The following FNIP1 variants were observed in gnomAD, a reference collection of about 807,000 sequenced individuals.
FNIP1 encodes folliculin interacting protein 1.
Under a neutral mutation model 124.5 loss-of-function variants are expected in FNIP1, and 40 were observed. The ratio of observed to expected loss-of-function variants is 0.32; its 90% CI spans 0.25 to 0.42. The LOEUF is 0.42. FNIP1 is among the 10% of genes least tolerant of loss of function. The pLI is 1.00. For missense variants in FNIP1, 1,176 were observed against 1,403.7 expected, an observed-to-expected ratio of 0.84 and a Z score of 2.59; for synonymous variants, 472 against 470.6, an observed-to-expected ratio of 1.00 and a Z score of -0.04.
At position 131,704,259 on chromosome 5, in the gene FNIP1, C is replaced by T; in HGVS notation, c.922G>A (p.Glu308Lys). The T allele has an allele frequency of 6.3e-7, 1 of 1,580,742 alleles. No homozygotes were observed. Residue 308 changes from glutamate (E) to lysine (K), a missense_variant, in exon 10 of 18, where the codon GAA becomes AAA. This residue lies in a region of FNIP1 where 1,109 missense variants were observed against 1,288.5 expected (regional missense o/e 0.86). Transcript: ENST00000510461. The stretch of plus-strand genomic sequence containing the variant: ...TCATCTGAGAGATTAAAGCTTTCTT[C>T]TATAGACCTTAAAAATAAATGATTT... ...ENGVFPRWSI[E>K]ESFNLSDESC...
rs1023255749 is a variant in FNIP1, at chr5:131,721,885, T to C, written c.355-2468A>G. On this transcript the variant is annotated intron_variant, in intron 3 of 17. Coordinates refer to ENST00000510461, the MANE Select transcript of FNIP1 (RefSeq NM_133372.3). ...CTTTGTCTTCACAGGAGTCAGACAA[T>C]AGTTAAAGATTGAGCTTATCCATTT... Among the ~76,000 whole-genome samples, 12 of 152,328 alleles carry C rather than the reference T, an allele frequency of 7.9e-5. 1 individual carries two copies. The South Asian group carries it at 1.0e-3, about 13-fold the overall frequency.
chr5:131,763,782 T>C (rs865972804), intron 1 of FNIP1, among the ~76,000 whole-genome samples: 1 of 152,208 alleles, frequency 6.6e-6, no homozygotes, highest in Admixed American at 6.5e-5. Context: ...AATTCCTCAC[T>C]TCAGTTGACT....
chr5:131,648,529 A>T (rs1197351039), intron 16 of FNIP1, among the ~76,000 whole-genome samples: 1 of 152,148 alleles, frequency 6.6e-6, no homozygotes. Context: ...TTATTGTAAA[A>T]CACAACCAAA....
chr5:131,665,154 G>GT (rs1220708756), intron 15 of FNIP1, among the ~76,000 whole-genome samples: 1 of 152,034 alleles, frequency 6.6e-6, no homozygotes, highest in Non-Finnish European at 1.5e-5. Context: ...ACAAACATCA[G>GT]TATTACTTTC....
intron 2 of FNIP1, among the ~76,000 whole-genome samples, chr5:131,739,812 C>CA (rs60928249): frequency 0.083 from 2,537 of 30,498 alleles, 135 homozygotes; most frequent in African/African-American, 0.12. Flanking sequence ...GACTCCAGCT[C>CA]AAAAAAAAAA....
intron 1 of FNIP1, among the ~76,000 whole-genome samples, chr5:131,783,467 A>G (rs1020882534): frequency 5.3e-5 from 8 of 151,804 alleles, no homozygotes; most frequent in Non-Finnish European, 8.8e-5. Flanking sequence ...AAAAAAAAAC[A>G]AGAAATTTGA....
In FNIP1 at chr5:131,706,491, GGTAA is replaced by G; in HGVS notation, c.830_833del (p.Leu277ProfsTer30). The G allele has an allele frequency of 6.2e-7, 1 of 1,613,354 alleles. No individual in the cohort carries two copies. Among genetic ancestry groups the G allele is most frequent in the Non-Finnish European group, 8.5e-7 (1 of 1,179,544 alleles). On this transcript the variant is annotated frameshift_variant, in exon 9 of 18. Transcript: ENST00000510461. LOFTEE classifies it high-confidence loss of function. Reference sequence around the variant, plus strand: ...GCTGGTAGCTGCTGGCACAACTTCGGGTAAGTGAGGAGTTTGGGGAAGGAAATGG... The same window carrying G: ...GCTGGTAGCTGCTGGCACAACTTCGGGTGAGGAGTTTGGGGAAGGAAATGG...
intron 3 of FNIP1, among the ~76,000 whole-genome samples, chr5:131,726,236 T>C (rs1449410675): frequency 2.0e-5 from 3 of 152,218 alleles, no homozygotes; most frequent in Admixed American, 2.0e-4. Flanking sequence ...ATTTCCTTTT[T>C]TTCTATTGAT....
intron 13 of FNIP1, among the ~76,000 whole-genome samples, chr5:131,675,761 A>G (rs183330769): frequency 4.6e-5 from 7 of 152,312 alleles, no homozygotes; most frequent in Non-Finnish European, 8.8e-5. Flanking sequence ...GAGGAGGAAG[A>G]GATTACAAAA....
intron 2 of FNIP1, among the ~76,000 whole-genome samples, chr5:131,732,735 T>G (rs183249234): frequency 6.6e-6 from 1 of 152,228 alleles, no homozygotes; most frequent in Non-Finnish European, 1.5e-5. Flanking sequence ...ACTGTAGCCT[T>G]ATAGTATAGT....
chr5:131,725,593 T>A (rs1456311337), intron 3 of FNIP1, among the ~76,000 whole-genome samples: 1 of 152,258 alleles, frequency 6.6e-6, no homozygotes, highest in African/African-American at 2.4e-5. Flanking sequence ...TAGGAGATTT[T>A]GGCCTGAGAC....
intron 2 of FNIP1, among the ~76,000 whole-genome samples, 183 bp from the exon 3 acceptor site, chr5:131,731,221 A>G (rs759046299): frequency 6.6e-5 from 10 of 152,236 alleles, no homozygotes; most frequent in Admixed American, 2.0e-4. Flanking sequence ...TCTCATAACT[A>G]TAATAAAATT....
At chr5:131,656,865 C>T (rs1366945111) in intron 15 of FNIP1, among the ~76,000 whole-genome samples, 1 of 151,972 alleles carries the variant, frequency 6.6e-6, no homozygotes, top group Non-Finnish European at 1.5e-5. Flanking sequence ...TAAATGCAGT[C>T]ATGATTAAGA....
intron 15 of FNIP1, among the ~76,000 whole-genome samples, chr5:131,660,653 G>T (rs71591982): frequency 6.6e-6 from 1 of 152,204 alleles, no homozygotes; most frequent in African/African-American, 2.4e-5. Flanking sequence ...TCTCCCATGT[G>T]GGGTGGCTGG....
At chr5:131,648,173 TAAAAAA>T (rs577945348) in intron 16 of FNIP1, among the ~76,000 whole-genome samples, 1 of 113,358 alleles carries the variant, frequency 8.8e-6, no homozygotes, top group Admixed American at 9.9e-5. Context: ...CTACAAAAAT[TAAAAAA>T]AAAAAAAAAA....
chr5:131,760,125 T>C (rs1771176899), intron 1 of FNIP1, among the ~76,000 whole-genome samples: 2 of 152,116 alleles, frequency 1.3e-5, no homozygotes, highest in Non-Finnish European at 2.9e-5. Context: ...AAACTACCTA[T>C]TGAGTACTAT....
intron 1 of FNIP1, among the ~76,000 whole-genome samples, chr5:131,747,708 T>A (rs1770728427): frequency 6.6e-6 from 1 of 152,118 alleles, no homozygotes; most frequent in African/African-American, 2.4e-5. Flanking sequence ...GGTCAGATTC[T>A]AGGGGACTGA....
chr5:131,743,514 G>T (rs1770577209), intron 2 of FNIP1, among the ~76,000 whole-genome samples: 1 of 152,032 alleles, frequency 6.6e-6, no homozygotes, highest in African/African-American at 2.4e-5. Context: ...AAAGATGACT[G>T]AGAGGGACGA....
chr5:131,666,872 T>C (rs1767618547), intron 15 of FNIP1, among the ~76,000 whole-genome samples: 1 of 152,170 alleles, frequency 6.6e-6, no homozygotes, highest in Non-Finnish European at 1.5e-5. Flanking sequence ...ATACTGTGTT[T>C]GGCGATGGGT....
Sources: gnomAD v4.1 joint callset for allele counts (sites outside exome capture counted in the v4.1 genomes callset) on GRCh38, gnomAD v4.1.1 for gene constraint, gnomAD v4.1.1 regional missense constraint, MANE v1.5 for transcripts, NCBI Gene and HGNC (gene_info 2026-07-23, HGNC 2026-07-21) for gene names.